Variants in CLEC3B observed in about 807,000 individuals in gnomAD.
CLEC3B encodes C-type lectin domain family 3 member B.
Under a neutral mutation model 15.4 loss-of-function variants are expected in CLEC3B, and 13 were observed. That is an observed-to-expected ratio of 0.84 (90% CI 0.55 to 1.34). The LOEUF (loss-of-function observed/expected upper bound fraction) is 1.34. CLEC3B is among the 40% of genes most tolerant of loss of function. The probability of loss-of-function intolerance (pLI) is 0.00; values close to 1 mark genes in which losing one functional copy is unlikely to be tolerated. For synonymous variants in CLEC3B, 112 were observed against 114.7 expected (o/e 0.98, Z 0.15); for missense variants, 242 against 268.6 (o/e 0.90, Z 0.69).
chr3:45,032,356 G>A (rs1045521928), intron 2 of CLEC3B, among the ~76,000 whole-genome samples: 12 of 152,096 alleles, frequency 7.9e-5, no homozygotes, highest in Admixed American at 2.0e-4. Flanking sequence ...AACCTGAATT[G>A]CTCCCCCAAG....
chr3:45,026,584 C>A (rs1697488453), intron 1 of CLEC3B, 113 bp downstream of exon 1: 11 of 922,472 alleles, frequency 1.2e-5, no homozygotes, highest in Non-Finnish European at 1.9e-5. Context: ...ATCTAGGGAA[C>A]TTGAGTAAAG....
intron 1 of CLEC3B, among the ~76,000 whole-genome samples, chr3:45,029,529 T>C (rs1697526849): frequency 6.6e-6 from 1 of 152,160 alleles, no homozygotes. Context: ...CTCATCAGGG[T>C]GTTTTTGCTC....
chr3:45,028,957 T>G (rs1006857352), intron 1 of CLEC3B, among the ~76,000 whole-genome samples: 1 of 152,216 alleles, frequency 6.6e-6, no homozygotes, highest in Non-Finnish European at 1.5e-5. Flanking sequence ...TGGTCACACC[T>G]GGCAGGGAAG....
At chr3:45,028,255 A>G (rs1697510915) in intron 1 of CLEC3B, among the ~76,000 whole-genome samples, 2 of 152,220 alleles carry the variant, frequency 1.3e-5, no homozygotes, top group African/African-American at 4.8e-5. Context: ...TGGGAGATAC[A>G]TTAGAATCCA....
At chr3:45,030,177 G>C in intron 1 of CLEC3B, 1 of 985,708 alleles carries the variant, frequency 1.0e-6, no homozygotes, top group Non-Finnish European at 1.2e-6. Flanking sequence ...GAAAACCTGG[G>C]TTCCTTCTGC....
chr3:45,032,123 A>C (rs530466802), intron 2 of CLEC3B, among the ~76,000 whole-genome samples: 1 of 151,880 alleles, frequency 6.6e-6, no homozygotes, highest in East Asian at 1.9e-4. Flanking sequence ...CAAATCTATA[A>C]ACCACCCTGT....
chr3:45,030,951 G>C, intron 2 of CLEC3B, 26 bp downstream of exon 2: 1 of 1,503,096 alleles, frequency 6.7e-7, no homozygotes, highest in Non-Finnish European at 9.1e-7. Context: ...AGCCTCTCTG[G>C]GCAGGAGCGT....
chr3:45,035,784 T>G lies in CLEC3B; in HGVS notation c.469T>G (p.Trp157Gly). ...CGGCGCCCGCATCGCCTACAAGAACTGGGAGACTGAGATCACCGCGCAACC... is the reference window on the plus strand; with the variant it reads ...CGGCGCCCGCATCGCCTACAAGAACGGGGAGACTGAGATCACCGCGCAACC... ...MTGARIAYKNWETEITAQPDG... is the reference protein window; with the variant it reads ...MTGARIAYKNGETEITAQPDG... Residue 157 changes from tryptophan to glycine, a missense_variant, in exon 3 of 3, where the codon TGG becomes GGG. By Grantham distance (184) the Trp-to-Gly change is radical. Transcript: ENST00000296130. 1.2e-6 allele frequency: 2 copies of G among 1,613,596 alleles called. No homozygotes were observed. The highest frequency in any genetic ancestry group is 1.7e-6 in the Non-Finnish European group (2 of 1,179,968).
chr3:45,029,240 G>A (rs901935333), intron 1 of CLEC3B, among the ~76,000 whole-genome samples: 1 of 152,222 alleles, frequency 6.6e-6, no homozygotes, highest in Non-Finnish European at 1.5e-5. Context: ...ATTACAAAAG[G>A]TACCTCCTCT....
chr3:45,028,527 G>A lies in CLEC3B; in HGVS notation c.109+2056G>A, dbSNP rs149078744. Among the ~76,000 whole-genome samples, 588 of 152,334 alleles carry A rather than the reference G, an allele frequency of 3.9e-3. 6 individuals carry two copies. The highest frequency in any genetic ancestry group is 0.013 in the African/African-American group (554 of 41,574). ...GCCGAGATTGCACCACTGCACTCCA[G>A]CCTGGGTGACAGAGTAAGTGAGACT... On this transcript the variant is annotated intron_variant, in intron 1 of 2. Coordinates refer to ENST00000296130, the MANE Select transcript of CLEC3B (RefSeq NM_003278.3).
At chr3:45,029,796 C>T (rs1697529816) in intron 1 of CLEC3B, among the ~76,000 whole-genome samples, 1 of 152,202 alleles carries the variant, frequency 6.6e-6, no homozygotes, top group Non-Finnish European at 1.5e-5. Context: ...CTTACACACA[C>T]ATAGAAATAT....
chr3:45,031,083 C>T (rs967834678), intron 2 of CLEC3B, among the ~76,000 whole-genome samples, 158 bp downstream of exon 2: 6 of 152,252 alleles, frequency 3.9e-5, no homozygotes, highest in African/African-American at 1.4e-4. Flanking sequence ...AGCCCCACCT[C>T]TTTCTCTTGG....
chr3:45,027,808 C>A (rs1697503739), intron 1 of CLEC3B, among the ~76,000 whole-genome samples: 1 of 152,156 alleles, frequency 6.6e-6, no homozygotes, highest in South Asian at 2.1e-4. Context: ...CAAGGGAGAG[C>A]CTTTGTAAAA....
At chr3:45,034,931 G>C (rs1232763987) in intron 2 of CLEC3B, among the ~76,000 whole-genome samples, 1 of 152,222 alleles carries the variant, frequency 6.6e-6, no homozygotes, top group Non-Finnish European at 1.5e-5. Context: ...GGTACATGAA[G>C]TGTGGCCTAG....
intron 2 of CLEC3B, among the ~76,000 whole-genome samples, chr3:45,035,143 C>T (rs1264209321): frequency 1.3e-5 from 2 of 152,204 alleles, no homozygotes; most frequent in Non-Finnish European, 2.9e-5. Context: ...GAGAGCTGAG[C>T]TGCAGTGCAG....
intron 1 of CLEC3B, among the ~76,000 whole-genome samples, chr3:45,027,482 AAAAAG>A (rs1697499874): frequency 6.6e-6 from 1 of 152,268 alleles, no homozygotes; most frequent in Non-Finnish European, 1.5e-5. Context: ...TACAAAGTGA[AAAAAG>A]AAACATTCAA....
rs1253213156 is a variant in CLEC3B at position 45,030,895 on chromosome 3, C to G, written c.178C>G (p.Leu60Val). The change falls in exon 2 of 3, where the codon CTG becomes GTG. Residue 60 changes from leucine to valine, a missense_variant. By Grantham distance (32) the Leu-to-Val change is conservative. Transcript: ENST00000296130. ...RLDTLAQEVA[L>V]LKEQQALQTV... ...GGACACCCTGGCCCAGGAGGTGGCC[C>G]TGCTGAAGGAGCAGCAGGCCCTGCA... 1 of 1,588,866 alleles carries G rather than the reference C, an allele frequency of 6.3e-7. No homozygotes were observed. Among genetic ancestry groups the G allele is most frequent in the Non-Finnish European group, 8.6e-7 (1 of 1,167,522 alleles).
intron 2 of CLEC3B, 142 bp downstream of exon 2, chr3:45,031,067 T>C: frequency 1.7e-6 from 1 of 599,110 alleles, no homozygotes; most frequent in East Asian, 3.0e-5. Flanking sequence ...GGCACCAGGT[T>C]CAGGGAGCCC....
rs1697534612 is a variant in CLEC3B at position 45,030,181 on chromosome 3, CT to C, written c.110-644del. ...CTGTAAGAGTGGAAAACCTGGGTTC[CT>C]TCTGCCCTCATCTTATTAGTAGCTG... is the stretch of plus-strand genomic sequence containing the variant. On this transcript the variant is annotated intron_variant, in intron 1 of 2. Coordinates refer to ENST00000296130, the MANE Select transcript of CLEC3B (RefSeq NM_003278.3). 4 of 985,720 alleles carry C rather than the reference CT, an allele frequency of 4.1e-6. No individual in the cohort carries two copies. In the South Asian group the frequency reaches 1.9e-4, roughly 46 times the overall value. 61.1% of individuals were successfully genotyped at this position (985,720 alleles called of 1,614,324 possible).
Sources: gnomAD v4.1 joint callset for allele counts (sites outside exome capture counted in the v4.1 genomes callset) on GRCh38, gnomAD v4.1.1 for gene constraint, MANE v1.5 for transcripts, NCBI Gene and HGNC (gene_info 2026-07-23, HGNC 2026-07-21) for gene names.